Variants in ATF6 observed in about 807,000 individuals in gnomAD.
ATF6 encodes activating transcription factor 6.
In ATF6, 53 loss-of-function variants were observed where a neutral mutation model predicts 83.6. The observed-to-expected ratio is 0.63, with a 90% confidence interval of 0.51 to 0.80. The LOEUF is 0.80. ATF6 is among the 30% of genes least tolerant of loss of function. The pLI is 0.00. For missense variants in ATF6, 744 were observed against 797.9 expected (o/e 0.93, Z 0.81); for synonymous variants, 288 against 285.8 (o/e 1.01, Z -0.08).
intron 15 of ATF6, among the ~76,000 whole-genome samples, chr1:161,946,370 G>C (rs1297405275): frequency 6.6e-6 from 1 of 152,170 alleles, no homozygotes; most frequent in African/African-American, 2.4e-5. Context: ...TTACCTTGGT[G>C]TTAACACTCC....
rs1689065965 is a variant in ATF6 at position 161,960,099 on chromosome 1, A to G, written c.*1445A>G. ...TGTCCTCCCATGGTTAAAAAAAAAA[A>G]AAAAGCTGTGTTCATTTTTACTGTA... On this transcript the variant is annotated 3_prime_UTR_variant, in exon 16 of 16. Coordinates refer to ENST00000367942, the MANE Select transcript of ATF6 (RefSeq NM_007348.4). 1 of 152,078 alleles carries G rather than the reference A, an allele frequency of 6.6e-6. No homozygotes were observed. The allele number at this position is 152,078 out of a possible 1,614,324, so 9.4% of individuals were successfully genotyped here.
rs1014746665 is a variant in ATF6 at position 161,791,982 on chromosome 1, T to C, written c.485-142T>C. 34 of 759,932 alleles carry C rather than the reference T, an allele frequency of 4.5e-5. No individual in the cohort carries two copies. The African/African-American group carries it at 4.9e-4, about 11-fold the overall frequency. The allele number at this position is 759,932 out of a possible 1,614,324, so 47.1% of individuals were successfully genotyped here. On this transcript the variant is annotated intron_variant, in intron 5 of 15. Coordinates refer to ENST00000367942, the MANE Select transcript of ATF6 (RefSeq NM_007348.4). ...CTTCAGTTCATTCAGGTATATGTACTGTAGCTATGCTTAAACTCCAGTTAA... is the reference window on the plus strand; with the variant it reads ...CTTCAGTTCATTCAGGTATATGTACCGTAGCTATGCTTAAACTCCAGTTAA...
chr1:161,890,225 A>G lies in ATF6; in HGVS notation c.1720-22071A>G, dbSNP rs113160208. ...GATTTTGTTAATTGTCCCCAAAAAGATGAGTTTAGGAAGAGTCATATAACT... is the reference window on the plus strand; with the variant it reads ...GATTTTGTTAATTGTCCCCAAAAAGGTGAGTTTAGGAAGAGTCATATAACT... On this transcript the variant is annotated intron_variant, in intron 14 of 15. Coordinates refer to ENST00000367942, the MANE Select transcript of ATF6 (RefSeq NM_007348.4). 2.9e-3 allele frequency among the ~76,000 whole-genome samples: 436 copies of G among 152,338 alleles called. 3 individuals carry two copies. Among genetic ancestry groups the G allele is most frequent in the African/African-American group, 9.8e-3 (407 of 41,576 alleles).
intron 15 of ATF6, among the ~76,000 whole-genome samples, chr1:161,927,265 A>C (rs959790749): frequency 6.6e-6 from 1 of 152,200 alleles, no homozygotes; most frequent in Non-Finnish European, 1.5e-5. Flanking sequence ...TTAGGTCTGT[A>C]GGCAAGCATT....
rs574016070 is a variant in ATF6 at position 161,831,944 on chromosome 1, T to TAAA, written c.1187+10794_1187+10796dup. Reference sequence around the variant, plus strand: ...ATGTACCCTAGAACTTAAAGTATAATAAAAAAAAAAAAAGAAAGAAAAATT... The same window carrying TAAA: ...ATGTACCCTAGAACTTAAAGTATAATAAAAAAAAAAAAAAAAGAAAGAAAAATT... On this transcript the variant is annotated intron_variant, in intron 9 of 15. Coordinates refer to ENST00000367942, the MANE Select transcript of ATF6 (RefSeq NM_007348.4). Among the ~76,000 whole-genome samples, 126 of 130,534 alleles carry TAAA rather than the reference T, an allele frequency of 9.7e-4. 1 individual carries two copies. The highest frequency in any genetic ancestry group is 8.0e-3 in the East Asian group (37 of 4,612). The allele number at this position is 130,534 out of a possible 152,430, so 85.6% of individuals were successfully genotyped here.
intron 11 of ATF6, among the ~76,000 whole-genome samples, chr1:161,852,330 T>C (rs1318111330): frequency 6.6e-6 from 1 of 152,192 alleles, no homozygotes; most frequent in Non-Finnish European, 1.5e-5. Flanking sequence ...TAAACATAGT[T>C]TAACATCTTC....
intron 12 of ATF6, among the ~76,000 whole-genome samples, chr1:161,855,713 T>C (rs1407334802): frequency 6.6e-6 from 1 of 152,148 alleles, no homozygotes; most frequent in Non-Finnish European, 1.5e-5. Context: ...ATTGTAGGGA[T>C]AGTGGTGTCC....
intron 12 of ATF6, among the ~76,000 whole-genome samples, chr1:161,854,228 A>C (rs1001851250): frequency 6.6e-6 from 1 of 152,136 alleles, no homozygotes; most frequent in Non-Finnish European, 1.5e-5. Context: ...AATGGAATAA[A>C]ATTTTTTCAC....
chr1:161,772,683 A>G (rs758927798), intron 1 of ATF6, among the ~76,000 whole-genome samples: 4 of 151,614 alleles, frequency 2.6e-5, no homozygotes, highest in Admixed American at 6.6e-5. Context: ...CTACTAGATC[A>G]TCTCTGTCAG....
intron 14 of ATF6, among the ~76,000 whole-genome samples, chr1:161,888,354 T>G (rs2101866199): frequency 6.6e-6 from 1 of 152,316 alleles, no homozygotes; most frequent in African/African-American, 2.4e-5. Flanking sequence ...CATAGTAATC[T>G]TTTATAGCCA....
chr1:161,858,424 G>T (rs1032501633), intron 12 of ATF6, among the ~76,000 whole-genome samples: 4 of 152,056 alleles, frequency 2.6e-5, no homozygotes, highest in Non-Finnish European at 5.9e-5. Flanking sequence ...GAAAATAAAG[G>T]TGAAAAAGGA....
At chr1:161,787,570 C>A (rs1684772839) in intron 4 of ATF6, among the ~76,000 whole-genome samples, 1 of 152,144 alleles carries the variant, frequency 6.6e-6, no homozygotes, top group East Asian at 1.9e-4. Flanking sequence ...CCCTGACATT[C>A]CACCAGGCTA....
chr1:161,943,132 G>T (rs186491241), intron 15 of ATF6, among the ~76,000 whole-genome samples: 3 of 152,284 alleles, frequency 2.0e-5, no homozygotes, highest in Admixed American at 6.5e-5. Flanking sequence ...GGAATTACAG[G>T]CATGAGCTAC....
At chr1:161,883,404 A>G (rs144156579) in intron 14 of ATF6, among the ~76,000 whole-genome samples, 5 of 152,154 alleles carry the variant, frequency 3.3e-5, no homozygotes, top group Admixed American at 2.0e-4. Context: ...TGTGATGTCT[A>G]TAGAACTACA....
chr1:161,881,380 CAGTTATT>C (rs1472436765), intron 14 of ATF6, among the ~76,000 whole-genome samples: 1 of 152,124 alleles, frequency 6.6e-6, no homozygotes, highest in Non-Finnish European at 1.5e-5. Flanking sequence ...CTAAGGGTCT[CAGTTATT>C]TGCTCAGTTG....
chr1:161,921,885 G>A (rs1203785317), intron 15 of ATF6, among the ~76,000 whole-genome samples: 2 of 152,116 alleles, frequency 1.3e-5, no homozygotes, highest in Non-Finnish European at 2.9e-5. Flanking sequence ...CCACCTTGAT[G>A]CTTTTACAAG....
rs1419844347 is a variant in ATF6, at chr1:161,812,391, T to C, written c.910-7242T>C. 2.6e-4 allele frequency among the ~76,000 whole-genome samples: 28 copies of C among 109,134 alleles called. 1 individual carries two copies. The East Asian group carries it at 5.7e-3, about 22-fold the overall frequency. The allele number at this position is 109,134 out of a possible 152,430, so 71.6% of individuals were successfully genotyped here. ...ATTTTCTTTTTTTTTTTTTTTTTTTTTTTTTTTTTTTTTTTTTTTGAGACG... is the reference window on the plus strand; with the variant it reads ...ATTTTCTTTTTTTTTTTTTTTTTTTCTTTTTTTTTTTTTTTTTTTGAGACG... On this transcript the variant is annotated intron_variant, in intron 7 of 15. Coordinates refer to ENST00000367942, the MANE Select transcript of ATF6 (RefSeq NM_007348.4).
chr1:161,874,594 T>C lies in ATF6; in HGVS notation c.1719+11282T>C, dbSNP rs959921933. On this transcript the variant is annotated intron_variant, in intron 14 of 15. Transcript: ENST00000367942. Reference sequence around the variant, plus strand: ...ATTCCATTTTTTATTGAATAGAAGTTCAATAAATTTTATTCTGTTAAGAAT... The same window carrying C: ...ATTCCATTTTTTATTGAATAGAAGTCCAATAAATTTTATTCTGTTAAGAAT... 2.4e-4 allele frequency among the ~76,000 whole-genome samples: 36 copies of C among 151,650 alleles called. 2 individuals carry two copies. The highest frequency in any genetic ancestry group is 7.7e-4 in the African/African-American group (32 of 41,402).
intron 14 of ATF6, among the ~76,000 whole-genome samples, chr1:161,886,436 T>A (rs1193006000): frequency 6.6e-6 from 1 of 152,224 alleles, no homozygotes; most frequent in Non-Finnish European, 1.5e-5. Flanking sequence ...TGGGATACAT[T>A]CTAGGAAATG....
Sources: gnomAD v4.1 joint callset for allele counts (sites outside exome capture counted in the v4.1 genomes callset) on GRCh38, gnomAD v4.1.1 for gene constraint, MANE v1.5 for transcripts, NCBI Gene and HGNC (gene_info 2026-07-23, HGNC 2026-07-21) for gene names.